The following TCP11L2 variants were observed in gnomAD, a reference collection of about 807,000 sequenced individuals.
TCP11L2 encodes the protein t-complex 11 like 2.
TCP11L2 carries 39 observed loss-of-function variants against 50.7 expected under a neutral mutation model. The ratio of observed to expected loss-of-function variants is 0.77; its 90% CI spans 0.60 to 1.01. TCP11L2 has a LOEUF of 1.01. Ranked by LOEUF, TCP11L2 falls within the 50% of genes least tolerant of loss-of-function variation. TCP11L2 has a pLI of 0.00. For missense variants in TCP11L2, 612 were observed against 614.7 expected (o/e 1.00, Z 0.05); for synonymous variants, 192 against 219.3 (o/e 0.88, Z 1.10).
intron 2 of TCP11L2, among the ~76,000 whole-genome samples, chr12:106,312,631 C>T (rs1223870110): frequency 6.6e-6 from 1 of 152,132 alleles, no homozygotes; most frequent in African/African-American, 2.4e-5. Context: ...ACCTGTAATC[C>T]CAGCACTTTG....
At chr12:106,335,853 T>C (rs1306613266) in intron 7 of TCP11L2, 27 bp downstream of exon 7, 1 of 1,601,800 alleles carries the variant, frequency 6.2e-7, no homozygotes, top group Non-Finnish European at 8.5e-7. Flanking sequence ...TTCACCCAAA[T>C]TTCCCAGTAT....
upstream of TCP11L2, among the ~76,000 whole-genome samples, chr12:106,300,280 G>T (rs1191983097): frequency 6.6e-6 from 1 of 151,792 alleles, no homozygotes; most frequent in Non-Finnish European, 1.5e-5. Context: ...GCTCATTTTT[G>T]AGGGAACTGC....
chr12:106,331,047 A>G (rs1217159651), intron 6 of TCP11L2, among the ~76,000 whole-genome samples: 1 of 152,240 alleles, frequency 6.6e-6, no homozygotes, highest in African/African-American at 2.4e-5. Context: ...AGGACAATCT[A>G]ACTGGACATT....
At chr12:106,311,646 T>C (rs543234488) in intron 2 of TCP11L2, among the ~76,000 whole-genome samples, 2 of 152,304 alleles carry the variant, frequency 1.3e-5, no homozygotes, top group Middle Eastern at 3.4e-3. Flanking sequence ...AGTGAAATAA[T>C]CTAAAGGGTT....
Position 106,346,712 on chromosome 12 carries a change from C to T in TCP11L2, c.*182C>T, listed in dbSNP as rs1425999544. 3 of 620,604 alleles carry T rather than the reference C, an allele frequency of 4.8e-6. No individual in the cohort carries two copies. The highest frequency in any genetic ancestry group is 1.8e-5 in the African/African-American group (1 of 54,900). 38.4% of individuals were successfully genotyped at this position (620,604 alleles called of 1,614,324 possible). A position where few individuals can be genotyped will look rare whatever the true frequency, so the allele number is the denominator to read the frequency against. On this transcript the variant is annotated 3_prime_UTR_variant, in exon 10 of 10. Coordinates refer to ENST00000299045, the MANE Select transcript of TCP11L2 (RefSeq NM_152772.3). ...ACACATCACATAGACCCTCAGAAGA[C>T]GTAAACATCACATAGACCCTATTTG...
chr12:106,338,379 G>C (rs1261948698), intron 8 of TCP11L2, among the ~76,000 whole-genome samples: 1 of 152,124 alleles, frequency 6.6e-6, no homozygotes, highest in East Asian at 1.9e-4. Flanking sequence ...TGTTTACTCA[G>C]TGTTTAGTTC....
intron 8 of TCP11L2, among the ~76,000 whole-genome samples, chr12:106,337,147 C>G (rs993438110): frequency 2.0e-5 from 3 of 152,134 alleles, no homozygotes; most frequent in African/African-American, 7.2e-5. Flanking sequence ...GCTGGTTCCC[C>G]TTTCAGGTGT....
chr12:106,346,276 T>TC lies in TCP11L2; in HGVS notation c.1316-6dup, dbSNP rs1277231211. 2 of 1,587,670 alleles carry TC rather than the reference T, an allele frequency of 1.3e-6. No homozygotes were observed. The highest frequency in any genetic ancestry group is 2.7e-5 in the African/African-American group (2 of 73,322). On this transcript the variant is annotated splice_polypyrimidine_tract_variant and intron_variant, in intron 9 of 9. Coordinates refer to ENST00000299045, the MANE Select transcript of TCP11L2 (RefSeq NM_152772.3). ...ATGGACAGATAAAAGTATCTTTTTT[T>TC]CCCCTTCAGATAAACGAATTAAGCT...
intron 6 of TCP11L2, among the ~76,000 whole-genome samples, chr12:106,332,743 CTT>C (rs144025121): frequency 0.36 from 54,143 of 151,506 alleles, 10,120 homozygotes; most frequent in African/African-American, 0.45. Context: ...AGAGGAAGCT[CTT>C]TTTTTTGTCT....
intron 2 of TCP11L2, 133 bp downstream of exon 2, chr12:106,311,365 A>T: frequency 2.0e-6 from 2 of 981,120 alleles, no homozygotes; most frequent in Non-Finnish European, 2.9e-6. Context: ...AGCACTGCAG[A>T]GGCACTGCAG....
chr12:106,342,357 G>T (rs1425738322), intron 9 of TCP11L2, among the ~76,000 whole-genome samples: 6 of 152,150 alleles, frequency 3.9e-5, no homozygotes, highest in African/African-American at 7.2e-5. Flanking sequence ...CCTAAGAGGG[G>T]ACAGTTGATA....
chr12:106,315,190 C>T (rs1175604225), intron 3 of TCP11L2, among the ~76,000 whole-genome samples: 1 of 151,848 alleles, frequency 6.6e-6, no homozygotes, highest in East Asian at 1.9e-4. Context: ...GAGCCGAGAT[C>T]GCACCACTGC....
intron 3 of TCP11L2, among the ~76,000 whole-genome samples, chr12:106,317,117 T>C (rs1168888346): frequency 6.6e-6 from 1 of 152,250 alleles, no homozygotes; most frequent in Non-Finnish European, 1.5e-5. Context: ...AATACTTTGA[T>C]ACTATGGAAA....
At position 106,311,140 on chromosome 12, in the gene TCP11L2, G is replaced by T; in HGVS notation, c.65G>T (p.Arg22Leu). Reference sequence around the variant, plus strand: ...CAGCCAAGCGATTCTGATTCTTCCCGGTTTTCCGAAAGCATGGCTTCGCTC... The same window carrying T: ...CAGCCAAGCGATTCTGATTCTTCCCTGTTTTCCGAAAGCATGGCTTCGCTC... Reference protein sequence around the residue: ...EDQPSDSDSSRFSESMASLSD... With the variant: ...EDQPSDSDSSLFSESMASLSD... Residue 22 changes from arginine to leucine, a missense_variant, in exon 2 of 10, where the codon CGG becomes CTG. Physicochemically the swap from Arg to Leu is moderately radical, Grantham distance 102. Coordinates refer to ENST00000299045, the MANE Select transcript of TCP11L2 (RefSeq NM_152772.3). The T allele has an allele frequency of 6.2e-7, 1 of 1,614,202 alleles. No individual in the cohort carries two copies. The highest frequency in any genetic ancestry group is 1.1e-5 in the South Asian group (1 of 91,080).
intron 8 of TCP11L2, among the ~76,000 whole-genome samples, chr12:106,338,633 A>G (rs2264813): frequency 0.44 from 67,354 of 152,052 alleles, 15,324 homozygotes; most frequent in East Asian, 0.73. Flanking sequence ...ATATGAGTAC[A>G]TGTGTCTTTT....
chr12:106,300,913 G>A (rs1283511961), upstream of TCP11L2, among the ~76,000 whole-genome samples: 1 of 152,102 alleles, frequency 6.6e-6, no homozygotes, highest in Non-Finnish European at 1.5e-5. Context: ...CCTGACTCAT[G>A]GTCACCTGCT....
At chr12:106,327,698 T>C (rs554605290) in intron 6 of TCP11L2, among the ~76,000 whole-genome samples, 32 of 152,318 alleles carry the variant, frequency 2.1e-4, no homozygotes, top group African/African-American at 7.2e-4. Flanking sequence ...CCCTGTGCCC[T>C]AATATCAAAA....
At chr12:106,329,201 G>C (rs181502474) in intron 6 of TCP11L2, 16 of 1,121,848 alleles carry the variant, frequency 1.4e-5, no homozygotes, top group East Asian at 5.2e-5. Flanking sequence ...GGAACTTCTC[G>C]AGTGCAGGGA....
upstream of TCP11L2, among the ~76,000 whole-genome samples, chr12:106,298,354 G>A (rs917625196): frequency 6.6e-6 from 1 of 151,648 alleles, no homozygotes; most frequent in Admixed American, 6.6e-5. Context: ...GAACATTCAG[G>A]GCCTAATTCT....
Sources: allele counts gnomAD v4.1 joint callset (sites outside exome capture counted in the v4.1 genomes callset), GRCh38; gene constraint gnomAD v4.1.1; transcripts MANE v1.5; gene names NCBI Gene and HGNC (gene_info 2026-07-23, HGNC 2026-07-21).